Variants in CEP57L1 observed in about 807,000 individuals in gnomAD.
CEP57L1 encodes centrosomal protein 57 like 1.
Under a neutral mutation model 61.0 loss-of-function variants are expected in CEP57L1, and 37 were observed. The ratio of observed to expected loss-of-function variants is 0.61; its 90% CI spans 0.47 to 0.80. The LOEUF (loss-of-function observed/expected upper bound fraction) is 0.80, where lower values mean the gene tolerates loss of function less well. CEP57L1 is among the 30% of genes least tolerant of loss of function. CEP57L1 has a pLI of 0.00. For missense variants in CEP57L1, 422 were observed against 524.7 expected (o/e 0.80, Z 1.91); for synonymous variants, 137 against 162.3 (o/e 0.84, Z 1.19).
Position 109,171,637 on chromosome 6 carries a change from A to C in CEP57L1, c.*8667A>C, listed in dbSNP as rs1265883853. Among the ~76,000 whole-genome samples the C allele has an allele frequency of 6.6e-6, 1 of 152,174 alleles. No individual in the cohort carries two copies. The highest frequency in any genetic ancestry group is 2.4e-5 in the African/African-American group (1 of 41,424). ...AAAAACATAAACCACTAAAAGATTA[A>C]AGCATTTAGGAGTTTATATGCAAAG... On this transcript the variant is annotated 3_prime_UTR_variant, in exon 11 of 11. Coordinates refer to ENST00000517392, the MANE Select transcript of CEP57L1 (RefSeq NM_001271852.3).
At chr6:109,109,141 G>T (rs1771276396) in intron 1 of CEP57L1, among the ~76,000 whole-genome samples, 1 of 152,062 alleles carries the variant, frequency 6.6e-6, no homozygotes. Context: ...CTCAATAGTA[G>T]TCTCCTGTGT....
chr6:109,126,518 A>G (rs548482517), intron 1 of CEP57L1, among the ~76,000 whole-genome samples: 1 of 152,146 alleles, frequency 6.6e-6, no homozygotes, highest in Non-Finnish European at 1.5e-5. Context: ...GACTATAATT[A>G]TACAGTTTTA....
At chr6:109,110,988 A>C (rs547836860) in intron 1 of CEP57L1, among the ~76,000 whole-genome samples, 2 of 152,300 alleles carry the variant, frequency 1.3e-5, no homozygotes, top group Non-Finnish European at 1.5e-5. Context: ...CTTTTTGCTT[A>C]GGATTGTCTT....
At chr6:109,104,313 TAA>T (rs111652924) in intron 1 of CEP57L1, among the ~76,000 whole-genome samples, 14 of 151,410 alleles carry the variant, frequency 9.2e-5, no homozygotes, top group African/African-American at 1.5e-4. Flanking sequence ...TATATTTATT[TAA>T]AAAAAAAATT....
chr6:109,126,808 A>G (rs1451528445), intron 1 of CEP57L1, among the ~76,000 whole-genome samples: 1 of 152,206 alleles, frequency 6.6e-6, no homozygotes, highest in Non-Finnish European at 1.5e-5. Flanking sequence ...GCACATGAAC[A>G]ATTAGATGCT....
chr6:109,118,135 A>G (rs1367256394), intron 1 of CEP57L1, among the ~76,000 whole-genome samples: 1 of 152,156 alleles, frequency 6.6e-6, no homozygotes, highest in African/African-American at 2.4e-5. Context: ...TCCTGAGTTC[A>G]AGCAATTCTC....
chr6:109,152,636 CGTGTGTGTGTGTGTGTGTGTGT>C lies in CEP57L1; in HGVS notation c.463-1174_463-1153del, dbSNP rs59562316. On this transcript the variant is annotated intron_variant, in intron 4 of 10. Transcript: ENST00000517392. ...ACAAAATAGCATATAGATGTGCGTGCGTGTGTGTGTGTGTGTGTGTGTGTGTGTGTGTGTGTGTGTGTGTATA... is the reference window on the plus strand; with the variant it reads ...ACAAAATAGCATATAGATGTGCGTGCGTGTGTGTGTGTGTGTGTGTGTATA... Among the ~76,000 whole-genome samples, 10 of 145,202 alleles carry C rather than the reference CGTGTGTGTGTGTGTGTGTGTGT, an allele frequency of 6.9e-5. No individual in the cohort carries two copies. In the South Asian group the frequency reaches 1.1e-3, roughly 17 times the overall value.
At chr6:109,149,306 A>G (rs931785130) in intron 3 of CEP57L1, among the ~76,000 whole-genome samples, 6 of 152,204 alleles carry the variant, frequency 3.9e-5, no homozygotes, top group Non-Finnish European at 7.4e-5. Context: ...ATAAGGTGTA[A>G]GGAAGGGATC....
chr6:109,143,174 T>C (rs1040179689), intron 1 of CEP57L1, among the ~76,000 whole-genome samples: 87 of 152,144 alleles, frequency 5.7e-4, no homozygotes, highest in African/African-American at 2.0e-3. Context: ...ACTCTCTCTC[T>C]TTTTAGAACC....
At position 109,146,948 on chromosome 6, in the gene CEP57L1, C is replaced by A; in HGVS notation, c.340+11C>A. 6.3e-7 allele frequency: 1 copy of A among 1,592,470 alleles called. No individual in the cohort carries two copies. The highest frequency in any genetic ancestry group is 8.5e-7 in the Non-Finnish European group (1 of 1,172,724). On this transcript the variant is annotated intron_variant, in intron 3 of 10. Transcript: ENST00000517392. ...TAAAGCAGAAAAAAGGTAAGAAATG[C>A]AGTAGTTCTCAGAAACCGGGGGTTA...
intron 1 of CEP57L1, among the ~76,000 whole-genome samples, chr6:109,141,526 T>G (rs1051554442): frequency 3.9e-5 from 6 of 152,194 alleles, no homozygotes; most frequent in Non-Finnish European, 7.3e-5. Context: ...AACAAATGAA[T>G]AGCTGAATCC....
At chr6:109,158,569 T>G in intron 7 of CEP57L1, 3 of 452,504 alleles carry the variant, frequency 6.6e-6, no homozygotes, top group South Asian at 4.7e-5. Context: ...TGTACAGGTT[T>G]TTATGTGAAC....
At chr6:109,124,701 C>G (rs1773348941) in intron 1 of CEP57L1, among the ~76,000 whole-genome samples, 1 of 152,142 alleles carries the variant, frequency 6.6e-6, no homozygotes, top group Non-Finnish European at 1.5e-5. Context: ...TCTACCCATT[C>G]TCTCACTTTC....
chr6:109,148,486 T>G (rs975423598), intron 3 of CEP57L1, among the ~76,000 whole-genome samples: 61 of 152,226 alleles, frequency 4.0e-4, no homozygotes, highest in Non-Finnish European at 8.4e-4. Context: ...CCATGGTGTA[T>G]ATGTGCCACA....
In CEP57L1 at chr6:109,122,568, C is replaced by G. The variant is rs963314588; in HGVS notation, c.-3-22651C>G. Reference sequence around the variant, plus strand: ...CTGTAATCCCAGTACTTTGGGAGGCCGAGGTGGGAGGATCACGAGGTCAGG... The same window carrying G: ...CTGTAATCCCAGTACTTTGGGAGGCGGAGGTGGGAGGATCACGAGGTCAGG... On this transcript the variant is annotated intron_variant, in intron 1 of 10. Transcript: ENST00000517392. 3.3e-5 allele frequency among the ~76,000 whole-genome samples: 5 copies of G among 152,066 alleles called. No homozygotes were observed. In the East Asian group the frequency reaches 9.7e-4, roughly 29 times the overall value.
Position 109,174,323 on chromosome 6 carries a change from G to A in CEP57L1, c.*11353G>A, listed in dbSNP as rs776976888. Among the ~76,000 whole-genome samples the A allele has an allele frequency of 6.6e-6, 1 of 152,072 alleles. No individual in the cohort carries two copies. Among genetic ancestry groups the A allele is most frequent in the Non-Finnish European group, 1.5e-5 (1 of 68,008 alleles). On this transcript the variant is annotated 3_prime_UTR_variant, in exon 11 of 11. Transcript: ENST00000517392. The stretch of plus-strand genomic sequence containing the variant: ...TCATTCCCATCCCATCACAGATCCA[G>A]GCTTATTTGTAGAATGGTTACACAA...
At position 109,164,809 on chromosome 6, in the gene CEP57L1, C is replaced by T. The variant is rs949959844; in HGVS notation, c.*1839C>T. Among the ~76,000 whole-genome samples the T allele has an allele frequency of 3.9e-5, 6 of 152,062 alleles. No homozygotes were observed. Among genetic ancestry groups the T allele is most frequent in the African/African-American group, 1.2e-4 (5 of 41,396 alleles). On this transcript the variant is annotated 3_prime_UTR_variant, in exon 11 of 11. Transcript: ENST00000517392. The stretch of plus-strand genomic sequence containing the variant: ...TAAAAATTTAAAAACCGTCCAGGCG[C>T]GGTGGCTCACACCTATAATCCCAGC...
intron 1 of CEP57L1, among the ~76,000 whole-genome samples, chr6:109,095,837 AGCTTCGCGCTGCT>A (rs1265406135): frequency 6.6e-6 from 1 of 152,098 alleles, no homozygotes; most frequent in Non-Finnish European, 1.5e-5. Flanking sequence ...TGGAAACTGG[AGCTTCGCGCTGCT>A]GCCTCTGATT....
intron 6 of CEP57L1, 109 bp downstream of exon 6, chr6:109,155,416 A>G: frequency 1.7e-6 from 1 of 591,676 alleles, no homozygotes; most frequent in South Asian, 4.3e-5. Flanking sequence ...TGCTTCCTAA[A>G]TTGTCTTTTC....
Sources: gnomAD v4.1 joint callset for allele counts (sites outside exome capture counted in the v4.1 genomes callset) on GRCh38, gnomAD v4.1.1 for gene constraint, MANE v1.5 for transcripts, NCBI Gene and HGNC (gene_info 2026-07-23, HGNC 2026-07-21) for gene names.